Variants in AUTS2 observed in about 807,000 individuals in gnomAD.
AUTS2 encodes the protein activator of transcription and developmental regulator AUTS2.
In AUTS2, 17 loss-of-function variants were observed where a neutral mutation model predicts 112.4. That is an observed-to-expected ratio of 0.15 (90% CI 0.10 to 0.23). The LOEUF (loss-of-function observed/expected upper bound fraction) is 0.23. AUTS2 is among the 10% of genes least tolerant of loss of function. AUTS2 has a pLI of 1.00. For missense variants in AUTS2, 1,510 were observed against 1,701.6 expected, an observed-to-expected ratio of 0.89 and a Z score of 1.98; for synonymous variants, 751 against 702.7, an observed-to-expected ratio of 1.07 and a Z score of -1.09.
intron 1 of AUTS2, among the ~76,000 whole-genome samples, chr7:69,767,586 C>G (rs1381098643): frequency 6.6e-6 from 1 of 152,142 alleles, no homozygotes; most frequent in African/African-American, 2.4e-5. Context: ...TATCAAGGAC[C>G]AAAATAAGGG....
At chr7:70,203,085 A>C (rs1249156973) in intron 4 of AUTS2, among the ~76,000 whole-genome samples, 5 of 147,192 alleles carry the variant, frequency 3.4e-5, no homozygotes, top group African/African-American at 1.3e-4. Context: ...TCAGTAAACT[A>C]TCGCAAGAAC....
chr7:69,659,659 T>A (rs759129913), intron 1 of AUTS2, among the ~76,000 whole-genome samples: 5 of 150,948 alleles, frequency 3.3e-5, no homozygotes, highest in African/African-American at 4.9e-5. Context: ...CCCGAAGTTT[T>A]ACAGTTAGCA....
intron 2 of AUTS2, among the ~76,000 whole-genome samples, chr7:70,082,782 A>G (rs992253290): frequency 9.2e-5 from 14 of 152,096 alleles, no homozygotes; most frequent in Non-Finnish European, 2.1e-4. Flanking sequence ...CTTGCCTCCT[A>G]TTCAGCCGTT....
At chr7:69,940,694 A>G (rs1334808057) in intron 2 of AUTS2, among the ~76,000 whole-genome samples, 1 of 152,222 alleles carries the variant, frequency 6.6e-6, no homozygotes, top group Non-Finnish European at 1.5e-5. Context: ...GATGTGTCTA[A>G]GTCATAGAGG....
intron 5 of AUTS2, among the ~76,000 whole-genome samples, chr7:70,507,082 A>G (rs1410921153): frequency 6.6e-6 from 1 of 152,240 alleles, no homozygotes; most frequent in Admixed American, 6.5e-5. Context: ...GAAAATGAAC[A>G]TTTTATTCAG....
intron 4 of AUTS2, among the ~76,000 whole-genome samples, chr7:70,383,686 G>A (rs150930926): frequency 6.6e-6 from 1 of 152,274 alleles, no homozygotes; most frequent in East Asian, 1.9e-4. Flanking sequence ...CCACAGTAAG[G>A]GTGAAAAGCC....
At chr7:69,866,043 C>T (rs1793216753) in intron 1 of AUTS2, among the ~76,000 whole-genome samples, 1 of 152,174 alleles carries the variant, frequency 6.6e-6, no homozygotes, top group Non-Finnish European at 1.5e-5. Flanking sequence ...CTTTCCTTTT[C>T]ATTTCTTTTG....
At chr7:70,410,612 C>T (rs897761420) in intron 4 of AUTS2, among the ~76,000 whole-genome samples, 1 of 151,184 alleles carries the variant, frequency 6.6e-6, no homozygotes, top group Non-Finnish European at 1.5e-5. Flanking sequence ...TTTGTAGAGA[C>T]GGGTTTCGCC....
intron 5 of AUTS2, among the ~76,000 whole-genome samples, chr7:70,605,546 CTTTTTTTTT>C: frequency 1.4e-5 from 1 of 70,678 alleles, no homozygotes; most frequent in South Asian, 6.7e-4. Flanking sequence ...CCTTCTTTCT[CTTTTTTTTT>C]TTTTTTTTTT....
chr7:70,549,560 C>T (rs1316491765), intron 5 of AUTS2, among the ~76,000 whole-genome samples: 1 of 152,224 alleles, frequency 6.6e-6, no homozygotes, highest in Non-Finnish European at 1.5e-5. Context: ...GACATGGTGG[C>T]TCTCACCTGT....
chr7:69,891,521 C>T (rs1018068214), intron 1 of AUTS2, among the ~76,000 whole-genome samples: 2 of 152,022 alleles, frequency 1.3e-5, no homozygotes, highest in Non-Finnish European at 2.9e-5. Context: ...ATCATATGGT[C>T]GGTGTACTTA....
chr7:69,872,834 C>CTTTTTTTTTTTTTT lies in AUTS2; in HGVS notation c.310-26439_310-26426dup. ...GGTGGCACTTGATGTAGCCTATATT[C>CTTTTTTTTTTTTTT]TTTTTTTTTTTTTTTTTTTTTTTTT... On this transcript the variant is annotated intron_variant, in intron 1 of 18. Transcript: ENST00000342771. Among the ~76,000 whole-genome samples the CTTTTTTTTTTTTTT allele has an allele frequency of 3.1e-3, 217 of 70,420 alleles. 30 individuals carry two copies. Among genetic ancestry groups the CTTTTTTTTTTTTTT allele is most frequent in the African/African-American group, 7.7e-3 (123 of 16,054 alleles). 46.2% of individuals were successfully genotyped at this position (70,420 alleles called of 152,430 possible).
chr7:69,926,620 G>A (rs931199332), intron 2 of AUTS2, among the ~76,000 whole-genome samples: 10 of 150,942 alleles, frequency 6.6e-5, no homozygotes, highest in African/African-American at 1.5e-4. Flanking sequence ...TTTGTTAGTC[G>A]CATTTTTTTT....
At chr7:69,985,345 A>G (rs1232495530) in intron 2 of AUTS2, among the ~76,000 whole-genome samples, 2 of 151,730 alleles carry the variant, frequency 1.3e-5, no homozygotes, top group Non-Finnish European at 2.9e-5. Context: ...GGCTGCCTTC[A>G]CGGTGCCTCT....
At chr7:70,191,317 G>T (rs776830434) in intron 4 of AUTS2, among the ~76,000 whole-genome samples, 3 of 151,704 alleles carry the variant, frequency 2.0e-5, no homozygotes. Flanking sequence ...ACAGGTGCTC[G>T]CCACCATGCC....
chr7:70,290,671 C>G, intron 4 of AUTS2: 1 of 1,347,600 alleles, frequency 7.4e-7, no homozygotes, highest in Non-Finnish European at 9.4e-7. Context: ...TTTCTCCATT[C>G]CTCATCCCAA....
At chr7:69,984,565 AT>A (rs2129550621) in intron 2 of AUTS2, among the ~76,000 whole-genome samples, 1 of 152,036 alleles carries the variant, frequency 6.6e-6, no homozygotes, top group Admixed American at 6.5e-5. Context: ...GTATTATCAT[AT>A]TAGCTTCAAG....
intron 1 of AUTS2, among the ~76,000 whole-genome samples, chr7:69,805,006 T>TA (rs1219771708): frequency 1.3e-5 from 2 of 152,190 alleles, no homozygotes; most frequent in Non-Finnish European, 2.9e-5. Flanking sequence ...TAACAGTTGA[T>TA]ATTTTAACTT....
chr7:70,231,032 T>A (rs79347433), intron 4 of AUTS2, among the ~76,000 whole-genome samples: 5,902 of 152,332 alleles, frequency 0.039, 174 homozygotes, highest in Non-Finnish European at 0.063. Flanking sequence ...CTGTTGTCAA[T>A]GAGGTTCGGT....
Sources: allele counts gnomAD v4.1 joint callset (sites outside exome capture counted in the v4.1 genomes callset), GRCh38; gene constraint gnomAD v4.1.1; transcripts MANE v1.5; gene names NCBI Gene and HGNC (gene_info 2026-07-23, HGNC 2026-07-21).